The following EPB41 variants were observed in gnomAD, a reference collection of about 807,000 sequenced individuals.
The protein encoded by EPB41 is erythrocyte membrane protein band 4.1.
In EPB41, 65 loss-of-function variants were observed where a neutral mutation model predicts 108.0. The ratio of observed to expected loss-of-function variants is 0.60; its 90% CI spans 0.49 to 0.74. The LOEUF (loss-of-function observed/expected upper bound fraction) is 0.74. EPB41 is among the 30% of genes least tolerant of loss of function. The pLI is 0.00. For missense variants in EPB41, 875 were observed against 1,037.0 expected, an observed-to-expected ratio of 0.84 and a Z score of 2.15; for synonymous variants, 336 against 358.9, an observed-to-expected ratio of 0.94 and a Z score of 0.72.
In EPB41 at chr1:29,111,990, A is replaced by C. The variant is rs904141231; in HGVS notation, c.2416-378A>C. ...AGACTCTGTCTCAAAAAAAAAAAAA[A>C]ACAAAGATTTTAATAATCCAGGGGA... On this transcript the variant is annotated intron_variant, in intron 18 of 20. Coordinates refer to ENST00000343067, the MANE Select transcript of EPB41 (RefSeq NM_001376013.1). 7.9e-5 allele frequency among the ~76,000 whole-genome samples: 12 copies of C among 152,084 alleles called. 1 individual carries two copies. The highest frequency in any genetic ancestry group is 2.1e-4 in the South Asian group (1 of 4,828).
intron 1 of EPB41, among the ~76,000 whole-genome samples, chr1:28,936,052 C>A (rs985752238): frequency 6.6e-6 from 1 of 152,122 alleles, no homozygotes; most frequent in African/African-American, 2.4e-5. Flanking sequence ...TTACGCTGTT[C>A]TAACCTTGGC....
intron 1 of EPB41, among the ~76,000 whole-genome samples, chr1:28,976,265 T>C (rs911182457): frequency 6.6e-6 from 1 of 152,194 alleles, no homozygotes; most frequent in African/African-American, 2.4e-5. Flanking sequence ...ATGTCTACCT[T>C]GTAGAGTGGT....
intron 16 of EPB41, among the ~76,000 whole-genome samples, chr1:29,087,702 AAAG>A (rs1412616001): frequency 6.6e-6 from 1 of 152,194 alleles, no homozygotes; most frequent in Non-Finnish European, 1.5e-5. Context: ...ATAGGTCAAA[AAAG>A]GGGTAATTTA....
chr1:29,049,233 T>A (rs1644066353), intron 11 of EPB41, among the ~76,000 whole-genome samples: 1 of 152,238 alleles, frequency 6.6e-6, no homozygotes, highest in South Asian at 2.1e-4. Flanking sequence ...GATTATATTT[T>A]TCTTGCACTT....
intron 16 of EPB41, chr1:29,096,642 C>G (rs892700183): frequency 4.1e-6 from 4 of 967,296 alleles, no homozygotes; most frequent in Non-Finnish European, 4.9e-6. Context: ...TAATGACTGT[C>G]TTTGGAAGAG....
chr1:28,890,276 G>T (rs760654670), intron 1 of EPB41, among the ~76,000 whole-genome samples: 4 of 152,102 alleles, frequency 2.6e-5, no homozygotes, highest in Non-Finnish European at 4.4e-5. Context: ...GACCTCAGGT[G>T]ATCTGCCCAC....
At chr1:29,073,280 A>C (rs978454431) in intron 16 of EPB41, among the ~76,000 whole-genome samples, 2 of 152,120 alleles carry the variant, frequency 1.3e-5, no homozygotes, top group African/African-American at 2.4e-5. Flanking sequence ...GACCAGTATA[A>C]TATTTTGGGT....
At chr1:29,014,739 G>A (rs2096555321) in intron 5 of EPB41, among the ~76,000 whole-genome samples, 1 of 152,154 alleles carries the variant, frequency 6.6e-6, no homozygotes, top group Admixed American at 6.5e-5. Context: ...TGGTCTGAAT[G>A]TATATAGACA....
chr1:28,977,965 T>TTAATCACTTGTATACAATTCATGCCCCCA (rs2095648439), intron 1 of EPB41, among the ~76,000 whole-genome samples: 8 of 151,414 alleles, frequency 5.3e-5, no homozygotes, highest in Admixed American at 1.3e-4. Context: ...TCTTTTTTTT[T>TTAATCACTTGTATACAATTCATGCCCCCA]TTAAGAACAT....
intron 5 of EPB41, among the ~76,000 whole-genome samples, chr1:29,013,323 CA>C (rs79494613): frequency 0.15 from 17,984 of 120,032 alleles, 1,430 homozygotes; most frequent in African/African-American, 0.29. Context: ...GACTCCATCT[CA>C]AAAAAAAAAA....
intron 1 of EPB41, among the ~76,000 whole-genome samples, chr1:28,905,420 C>T (rs1486359084): frequency 6.6e-6 from 1 of 151,792 alleles, no homozygotes; most frequent in East Asian, 1.9e-4. Context: ...TCGCTTGAAC[C>T]CGGGAGGTGG....
intron 16 of EPB41, among the ~76,000 whole-genome samples, chr1:29,092,693 C>T (rs903383699): frequency 1.3e-5 from 2 of 152,130 alleles, no homozygotes; most frequent in Non-Finnish European, 2.9e-5. Context: ...CTGATCCTCT[C>T]CTTCCTCCCA....
intron 19 of EPB41, among the ~76,000 whole-genome samples, chr1:29,112,974 A>T (rs1450862070): frequency 6.6e-6 from 1 of 152,210 alleles, no homozygotes; most frequent in Admixed American, 6.5e-5. Flanking sequence ...AGTATGGTGG[A>T]CAAGACACCA....
intron 1 of EPB41, among the ~76,000 whole-genome samples, chr1:28,917,917 C>T (rs939548850): frequency 2.6e-5 from 4 of 152,002 alleles, no homozygotes; most frequent in African/African-American, 9.7e-5. Flanking sequence ...CAGACATGAG[C>T]CACCATGCCT....
intron 2 of EPB41, among the ~76,000 whole-genome samples, chr1:28,992,650 C>T (rs1181257226): frequency 2.6e-5 from 4 of 152,196 alleles, no homozygotes; most frequent in Admixed American, 6.5e-5. Flanking sequence ...GATCGCGCCA[C>T]TGCACTCCAG....
chr1:29,056,326 G>A (rs891531531), intron 12 of EPB41, among the ~76,000 whole-genome samples: 49 of 150,954 alleles, frequency 3.2e-4, no homozygotes, highest in African/African-American at 1.2e-3. Context: ...ATTATATAAA[G>A]CAATAGTAGT....
intron 4 of EPB41, among the ~76,000 whole-genome samples, chr1:29,005,009 C>G (rs2096374268): frequency 6.6e-6 from 1 of 152,020 alleles, no homozygotes; most frequent in South Asian, 2.1e-4. Context: ...TTTTTTAAAA[C>G]ATTATGACCT....
chr1:29,092,187 TC>T (rs1458969552), intron 16 of EPB41, among the ~76,000 whole-genome samples: 1 of 144,352 alleles, frequency 6.9e-6, no homozygotes, highest in Admixed American at 7.4e-5. Context: ...AACCTCTGCC[TC>T]CCAGGTTCAA....
intron 16 of EPB41, among the ~76,000 whole-genome samples, chr1:29,087,759 A>C (rs778016082): frequency 2.6e-5 from 4 of 152,216 alleles, no homozygotes; most frequent in Non-Finnish European, 5.9e-5. Context: ...GATGATTCTG[A>C]GACATAATCC....
Sources: gnomAD v4.1 joint callset for allele counts (sites outside exome capture counted in the v4.1 genomes callset) on GRCh38, gnomAD v4.1.1 for gene constraint, MANE v1.5 for transcripts, NCBI Gene and HGNC (gene_info 2026-07-23, HGNC 2026-07-21) for gene names.